The following CALY variants were observed in gnomAD, a reference collection of about 807,000 sequenced individuals.
CALY encodes the protein calcyon neuron specific vesicular protein.
In CALY, 15 loss-of-function variants were observed where a neutral mutation model predicts 20.2. That is an observed-to-expected ratio of 0.74 (90% CI 0.50 to 1.14). The LOEUF (loss-of-function observed/expected upper bound fraction) is 1.14, where lower values mean the gene tolerates loss of function less well. Ranked by LOEUF, CALY falls within the 50% of genes most tolerant of loss-of-function variation. CALY has a pLI of 0.00. For synonymous variants in CALY, 129 were observed against 131.8 expected, an observed-to-expected ratio of 0.98 and a Z score of 0.15; for missense variants, 270 against 304.4, an observed-to-expected ratio of 0.89 and a Z score of 0.84.
At chr10:133,327,143 T>C (rs1339926472) in intron 3 of CALY, 152 bp from the exon 4 acceptor site, 2 of 636,074 alleles carry the variant, frequency 3.1e-6, no homozygotes, top group Non-Finnish European at 2.8e-6. Context: ...TTTCCAACTT[T>C]TCCGAGGGTC....
chr10:133,329,922 C>A (rs1322465545), intron 1 of CALY, among the ~76,000 whole-genome samples: 1 of 152,188 alleles, frequency 6.6e-6, no homozygotes, highest in African/African-American at 2.4e-5. Flanking sequence ...CAAGAGGGCA[C>A]CCGCGAGTCA....
Position 133,324,425 on chromosome 10 carries a change from A to G in CALY, c.*1170T>C. On this transcript the variant is annotated 3_prime_UTR_variant, in exon 6 of 6. Transcript: ENST00000252939. Reference sequence around the variant, plus strand: ...CCCGCACCTAGCCAGCAAGCCTGGGAGCCAATGGTGGGGGGCTTCCATCCA... The same window carrying G: ...CCCGCACCTAGCCAGCAAGCCTGGGGGCCAATGGTGGGGGGCTTCCATCCA... The G allele has an allele frequency of 2.3e-6, 1 of 441,416 alleles. No homozygotes were observed. Among genetic ancestry groups the G allele is most frequent in the Non-Finnish European group, 4.5e-6 (1 of 222,706 alleles). 27.3% of individuals were successfully genotyped at this position (441,416 alleles called of 1,614,324 possible).
At chr10:133,335,578 G>C (rs1199293700) in intron 1 of CALY, among the ~76,000 whole-genome samples, 2 of 152,184 alleles carry the variant, frequency 1.3e-5, no homozygotes, top group Non-Finnish European at 1.5e-5. Context: ...CGCCCCGGGC[G>C]GAATGCGGGG....
In CALY at chr10:133,326,050, A is replaced by G. The variant is rs776431733; in HGVS notation, c.431T>C (p.Ile144Thr). 1 of 1,597,338 alleles carries G rather than the reference A, an allele frequency of 6.3e-7. No individual in the cohort carries two copies. Among genetic ancestry groups the G allele is most frequent in the Non-Finnish European group, 8.5e-7 (1 of 1,171,732 alleles). Residue 144 changes from isoleucine to threonine, a missense_variant, in exon 5 of 6, where the codon ATC becomes ACC. Coordinates refer to ENST00000252939, the MANE Select transcript of CALY (RefSeq NM_015722.4). The part of the protein sequence containing the change: ...TEMDPERHRS[I>T]LAAIGAYPLS... ...CGGGTAGGCCCCGATGGCCGCCAGG[A>G]TGCTGCGGTGGCGCTCGGGGTCCAT...
Position 133,325,894 on chromosome 10 carries a change from G to A in CALY, c.587C>T (p.Ser196Leu), listed in dbSNP as rs990142995. The part of the protein sequence containing the change: ...AAATEPPGKP[S>L]AKAEKEAARK... ...CGCCGCCTCCTTCTCCGCCTTGGCC[G>A]ACGGCTTCCCGGGGGGTTCGGTGGC... The change falls in exon 5 of 6, where the codon TCG becomes TTG. Residue 196 changes from serine (S) to leucine (L), a missense_variant. Transcript: ENST00000252939. 6 of 1,275,914 alleles carry A rather than the reference G, an allele frequency of 4.7e-6. No individual in the cohort carries two copies. In the African/African-American group the frequency reaches 9.3e-5, roughly 20 times the overall value. The allele number at this position is 1,275,914 out of a possible 1,614,324, so 79.0% of individuals were successfully genotyped here.
At chr10:133,332,309 C>G (rs947843388) in intron 1 of CALY, among the ~76,000 whole-genome samples, 1 of 152,166 alleles carries the variant, frequency 6.6e-6, no homozygotes, top group Non-Finnish European at 1.5e-5. Flanking sequence ...CTGTCCACAT[C>G]AAGAGCAATG....
intron 2 of CALY, 90 bp from the exon 3 acceptor site, chr10:133,328,105 T>C (rs1247352802): frequency 2.7e-5 from 21 of 787,346 alleles, no homozygotes; most frequent in Admixed American, 8.8e-5. Flanking sequence ...CAGCGTCAGC[T>C]TCGTGGCAGT....
In CALY at chr10:133,334,683, G is replaced by A. The variant is rs115780273; in HGVS notation, c.-21+2151C>T. ...TCTGCGTGGGGAAAGAACTGAGGGG[G>A]AAGGATCTGCGTGGGCGAGAGTGCG... On this transcript the variant is annotated intron_variant, in intron 1 of 5. Coordinates refer to ENST00000252939, the MANE Select transcript of CALY (RefSeq NM_015722.4). Among the ~76,000 whole-genome samples the A allele has an allele frequency of 5.8e-3, 884 of 151,988 alleles. 8 individuals carry two copies. The highest frequency in any genetic ancestry group is 0.02 in the African/African-American group (843 of 41,404).
chr10:133,328,818 G>T, intron 2 of CALY, 37 bp downstream of exon 2: 3 of 1,521,672 alleles, frequency 2.0e-6, no homozygotes, highest in Non-Finnish European at 1.8e-6. Context: ...TCCCAGGGGA[G>T]CCTGAGAAGG....
rs1253439406 is a variant in CALY, at chr10:133,326,910, G to C, written c.328C>G (p.Gln110Glu). ...LIMYKAIWYD[Q>E]FTCPDGFLLR... ...AGGAAGCCGTCGGGGCAGGTGAACT[G>C]GTCGTACCAGATGGCCTTGTACATG... The change falls in exon 4 of 6, where the codon CAG becomes GAG. Residue 110 changes from glutamine to glutamate, a missense_variant. Physicochemically the swap from Gln to Glu is conservative, Grantham distance 29. Coordinates refer to ENST00000252939, the MANE Select transcript of CALY (RefSeq NM_015722.4). 12 of 1,610,136 alleles carry C rather than the reference G, an allele frequency of 7.5e-6. No homozygotes were observed. The highest frequency in any genetic ancestry group is 1.0e-5 in the Non-Finnish European group (12 of 1,179,166).
At chr10:133,334,106 C>G (rs367820728) in intron 1 of CALY, among the ~76,000 whole-genome samples, 1 of 59,872 alleles carries the variant, frequency 1.7e-5, no homozygotes, top group Non-Finnish European at 3.2e-5. Context: ...ATCTGAGGGG[C>G]GAAGGATCTG....
intron 1 of CALY, among the ~76,000 whole-genome samples, chr10:133,333,449 G>A (rs1236282891): frequency 6.7e-6 from 1 of 149,414 alleles, no homozygotes; most frequent in Non-Finnish European, 1.5e-5. Context: ...ACGGGGTGCG[G>A]GGAGGGATCC....
chr10:133,329,979 T>G (rs1848276423), intron 1 of CALY, among the ~76,000 whole-genome samples: 1 of 152,112 alleles, frequency 6.6e-6, no homozygotes, highest in Admixed American at 6.5e-5. Flanking sequence ...GCGGGTCTCC[T>G]GCGGAGCTGA....
intron 4 of CALY, 60 bp from the exon 5 acceptor site, chr10:133,326,180 A>G: frequency 6.4e-7 from 1 of 1,566,020 alleles, no homozygotes; most frequent in East Asian, 2.4e-5. Flanking sequence ...CCCCGGGCCC[A>G]GGCCCTCCCG....
At chr10:133,330,654 T>G (rs1589854033) in intron 1 of CALY, among the ~76,000 whole-genome samples, 1 of 6,678 alleles carries the variant, frequency 1.5e-4, no homozygotes, top group Non-Finnish European at 7.0e-4. Context: ...AGAGACTCCG[T>G]CTCAAAAAAA....
intron 1 of CALY, 143 bp from the exon 2 acceptor site, chr10:133,329,152 C>G (rs749222975): frequency 9.0e-5 from 61 of 678,684 alleles, no homozygotes; most frequent in Non-Finnish European, 1.3e-4. Context: ...GTCAGGCCAG[C>G]CTCCTTGGAC....
chr10:133,330,350 C>CAA (rs59986083), intron 1 of CALY, among the ~76,000 whole-genome samples: 72 of 36,786 alleles, frequency 2.0e-3, no homozygotes, highest in African/African-American at 2.6e-3. Context: ...GAAACTCTGC[C>CAA]AAAAAAAAAA....
Position 133,327,328 on chromosome 10 carries a change from G to A in CALY, c.247-337C>T, listed in dbSNP as rs554321933. On this transcript the variant is annotated intron_variant, in intron 3 of 5. Transcript: ENST00000252939. ...CAGGGGATGGGGCCGCAGCCTCAGG[G>A]GAGTCGGAGGCTGCACTCACCAGGC... The A allele has an allele frequency of 1.8e-5, 9 of 496,200 alleles. No individual in the cohort carries two copies. The East Asian group carries it at 3.1e-4, about 17-fold the overall frequency. 30.7% of individuals were successfully genotyped at this position (496,200 alleles called of 1,614,324 possible).
intron 1 of CALY, among the ~76,000 whole-genome samples, chr10:133,334,967 A>G (rs1227334895): frequency 6.6e-6 from 1 of 152,114 alleles, no homozygotes; most frequent in Non-Finnish European, 1.5e-5. Flanking sequence ...TGGCCCGGGC[A>G]GGGGCAATGG....
Sources: allele counts gnomAD v4.1 joint callset (sites outside exome capture counted in the v4.1 genomes callset), GRCh38; gene constraint gnomAD v4.1.1; transcripts MANE v1.5; gene names NCBI Gene and HGNC (gene_info 2026-07-23, HGNC 2026-07-21).